The following RRM2B variants were observed in gnomAD, a reference collection of about 807,000 sequenced individuals.
RRM2B encodes the protein ribonucleotide reductase regulatory TP53 inducible subunit M2B.
A neutral mutation model predicts 45.9 loss-of-function variants in RRM2B; 20 were observed. The ratio of observed to expected loss-of-function variants is 0.44; its 90% CI spans 0.31 to 0.63. The LOEUF is 0.63. RRM2B is among the 30% of genes least tolerant of loss of function. The pLI is 0.09. For missense variants in RRM2B, 320 were observed against 414.7 expected (o/e 0.77, Z 1.98); for synonymous variants, 124 against 132.3 (o/e 0.94, Z 0.43).
Position 102,209,552 on chromosome 8 carries a change from C to G in RRM2B, c.904-1267G>C, listed in dbSNP as rs28927376. On this transcript the variant is annotated intron_variant, in intron 8 of 8. Coordinates refer to ENST00000251810, the MANE Select transcript of RRM2B (RefSeq NM_015713.5). ...AGGGTGGGAATATAAAATTGTGCAGCTGCTTTAGAAAACAGTCTGGTAGTT... is the reference window on the plus strand; with the variant it reads ...AGGGTGGGAATATAAAATTGTGCAGGTGCTTTAGAAAACAGTCTGGTAGTT... Among the ~76,000 whole-genome samples, 418 of 152,290 alleles carry G rather than the reference C, an allele frequency of 2.7e-3. 1 individual carries two copies. The highest frequency in any genetic ancestry group is 9.5e-3 in the African/African-American group (395 of 41,554).
chr8:102,236,226 G>A (rs1811118463), intron 1 of RRM2B, among the ~76,000 whole-genome samples: 1 of 152,098 alleles, frequency 6.6e-6, no homozygotes, highest in South Asian at 2.1e-4. Flanking sequence ...AGGTCTAGAA[G>A]GCTCATACTC....
rs752230983 is a variant in RRM2B, at chr8:102,224,894, G to A, written c.446C>T (p.Pro149Leu). The change falls in exon 4 of 9, where the codon CCC (proline) becomes CTC (leucine). Residue 149 changes from proline to leucine, a missense_variant. Around this residue, in one of 3 missense-constraint regions of RRM2B, gnomAD observed 225 missense variants for 289.4 expected, o/e 0.78. Transcript: ENST00000251810. The part of the protein sequence containing the change: ...SLLIDTYIRD[P>L]KKREFLFNAI... ...AAAATCCCAACAATACCTTTTCTTG[G>A]GATCTCTGATGTAAGTGTCTATCAG... 22 of 1,613,544 alleles carry A rather than the reference G, an allele frequency of 1.4e-5. 1 individual carries two copies. In the South Asian group the frequency reaches 2.3e-4, roughly 17 times the overall value.
At chr8:102,213,902 T>C in intron 7 of RRM2B, 152 bp downstream of exon 7, 1 of 640,622 alleles carries the variant, frequency 1.6e-6, no homozygotes, top group Non-Finnish European at 2.8e-6. Context: ...ACATAATAAT[T>C]GTAATATATC....
At chr8:102,219,605 C>T (rs1340315515) in intron 5 of RRM2B, among the ~76,000 whole-genome samples, 1 of 152,160 alleles carries the variant, frequency 6.6e-6, no homozygotes, top group Non-Finnish European at 1.5e-5. Context: ...AATCCATCTC[C>T]TATTAATAAA....
At chr8:102,211,614 G>A (rs920632126) in intron 8 of RRM2B, among the ~76,000 whole-genome samples, 2 of 152,114 alleles carry the variant, frequency 1.3e-5, no homozygotes, top group African/African-American at 2.4e-5. Flanking sequence ...AAAGAATAGC[G>A]AATTCACTGT....
intron 1 of RRM2B, among the ~76,000 whole-genome samples, chr8:102,234,175 C>T (rs751850781): frequency 2.2e-4 from 33 of 152,226 alleles, no homozygotes; most frequent in Middle Eastern, 3.4e-3. Context: ...GCACCAAATG[C>T]CCTGACGATG....
intron 6 of RRM2B, among the ~76,000 whole-genome samples, chr8:102,217,738 G>A (rs995562552): frequency 6.6e-6 from 1 of 151,736 alleles, no homozygotes; most frequent in Admixed American, 6.6e-5. Flanking sequence ...GGTTTCAAAT[G>A]GATACATAAA....
intron 2 of RRM2B, 25 bp downstream of exon 2, chr8:102,232,124 T>A (rs1416482458): frequency 6.2e-7 from 1 of 1,609,206 alleles, no homozygotes; most frequent in African/African-American, 1.3e-5. Context: ...AGGATGTGAA[T>A]GCTCTTGGAG....
intron 3 of RRM2B, 135 bp from the exon 4 acceptor site, chr8:102,225,153 AT>A: frequency 5.2e-6 from 4 of 763,010 alleles, no homozygotes; most frequent in Non-Finnish European, 6.6e-6. Flanking sequence ...GACCTTATGG[AT>A]TATTTTAAGC....
chr8:102,222,850 T>G (rs1252045064), intron 5 of RRM2B, among the ~76,000 whole-genome samples: 2 of 152,198 alleles, frequency 1.3e-5, no homozygotes, highest in African/African-American at 4.8e-5. Context: ...GAAACTTATA[T>G]AAAAGTGTTA....
chr8:102,238,647 C>T lies in RRM2B; in HGVS notation c.48+180G>A, dbSNP rs555123175. The T allele has an allele frequency of 2.4e-4, 374 of 1,535,136 alleles. 2 individuals carry two copies. In the African/African-American group the frequency reaches 4.3e-3, roughly 18 times the overall value. ...CAAACCCAAAGTCAGCTCCTTCCTC[C>T]GCCCTCCCCGGGGACGGCCTCCCCG... On this transcript the variant is annotated intron_variant, in intron 1 of 8. Coordinates refer to ENST00000251810, the MANE Select transcript of RRM2B (RefSeq NM_015713.5).
At chr8:102,208,532 AAC>A (rs907672184) in intron 8 of RRM2B, among the ~76,000 whole-genome samples, 3 of 152,196 alleles carry the variant, frequency 2.0e-5, no homozygotes, top group Non-Finnish European at 4.4e-5. Context: ...TAGAAAAAAA[AAC>A]ACAACTATTT....
rs758012370 is a variant in RRM2B at position 102,238,828 on chromosome 8, T to C, written c.47A>G (p.Glu16Gly). 6 of 1,613,558 alleles carry C rather than the reference T, an allele frequency of 3.7e-6. No individual in the cohort carries two copies. The Admixed American group carries it at 6.7e-5, about 18-fold the overall frequency. The change falls in exon 1 of 9, where the codon GAG becomes GGG. Residue 16 changes from glutamate (E) to glycine (G), a missense_variant and splice_region_variant. Glu to Gly is a moderately conservative substitution (Grantham distance 98, BLOSUM62 -2). Around this residue, in one of 3 missense-constraint regions of RRM2B, gnomAD observed 48 missense variants for 35.3 expected, o/e 1.36. Coordinates refer to ENST00000251810, the MANE Select transcript of RRM2B (RefSeq NM_015713.5). ...GGAAGACGCAACAGCAACATTTACC[T>C]CATCCTGATCCAGCCCGGCCGCTTC... is the stretch of plus-strand genomic sequence containing the variant. The part of the protein sequence containing the change: ...RPEAAGLDQD[E>G]RSSSDTNESE...
intron 1 of RRM2B, among the ~76,000 whole-genome samples, chr8:102,237,333 G>A (rs2132568358): frequency 6.6e-6 from 1 of 152,282 alleles, no homozygotes; most frequent in South Asian, 2.1e-4. Context: ...TCTATCTATG[G>A]ACCCTTTAAG....
chr8:102,213,009 G>A (rs542193993), intron 7 of RRM2B, 120 bp from the exon 8 acceptor site: 1 of 679,576 alleles, frequency 1.5e-6, no homozygotes, highest in South Asian at 1.6e-5. Context: ...AAGTATATTA[G>A]GATAAATTCT....
At chr8:102,224,769 G>A in intron 4 of RRM2B, 116 bp downstream of exon 4, 3 of 1,041,698 alleles carry the variant, frequency 2.9e-6, no homozygotes, top group East Asian at 2.6e-5. Flanking sequence ...AAAATATTAT[G>A]CTCAGAAACT....
At chr8:102,230,580 A>G (rs569949231) in intron 2 of RRM2B, among the ~76,000 whole-genome samples, 1 of 152,354 alleles carries the variant, frequency 6.6e-6, no homozygotes, top group South Asian at 2.1e-4. Context: ...ATGACCACGT[A>G]TGAAAATATT....
intron 4 of RRM2B, 51 bp downstream of exon 4, chr8:102,224,834 G>C: frequency 6.4e-7 from 1 of 1,565,494 alleles, no homozygotes; most frequent in Non-Finnish European, 8.8e-7. Context: ...ATTCTGATCT[G>C]AACATAACCA....
rs1029360785 is a variant in RRM2B, at chr8:102,206,336, A to G, written c.*1797T>C. The stretch of plus-strand genomic sequence containing the variant: ...TCTTTCCATCTGTAATATTTCAATA[A>G]CAGTTGCTCTGTCAAGCTGTTTTGA... On this transcript the variant is annotated 3_prime_UTR_variant, in exon 9 of 9. Transcript: ENST00000251810. 1 of 152,178 alleles carries G rather than the reference A, an allele frequency of 6.6e-6. No individual in the cohort carries two copies. The highest frequency in any genetic ancestry group is 2.4e-5 in the African/African-American group (1 of 41,462). 9.4% of individuals were successfully genotyped at this position (152,178 alleles called of 1,614,324 possible). A position where few individuals can be genotyped will look rare whatever the true frequency, so the allele number is the denominator to read the frequency against.
Sources: allele counts gnomAD v4.1 joint callset (sites outside exome capture counted in the v4.1 genomes callset), GRCh38; gene constraint gnomAD v4.1.1; regional missense constraint gnomAD v4.1.1; transcripts MANE v1.5; gene names NCBI Gene and HGNC (gene_info 2026-07-23, HGNC 2026-07-21).